ITGB6: variants seen among roughly 807,000 people sequenced by gnomAD.
The protein encoded by ITGB6 is integrin beta-6.
Under a neutral mutation model 84.5 loss-of-function variants are expected in ITGB6, and 80 were observed. The observed-to-expected ratio is 0.95, with a 90% CI of 0.79 to 1.14. The LOEUF (loss-of-function observed/expected upper bound fraction) is 1.14. Ranked by LOEUF, ITGB6 falls within the 50% of genes most tolerant of loss-of-function variation. ITGB6 has a pLI of 0.00. For missense variants in ITGB6, 1,006 were observed against 968.0 expected (o/e 1.04, Z -0.52); for synonymous variants, 383 against 354.9 (o/e 1.08, Z -0.89).
chr2:160,123,976 T>A, intron 11 of ITGB6, 88 bp from the exon 12 acceptor site: 1 of 907,906 alleles, frequency 1.1e-6, no homozygotes. Flanking sequence ...GTTGTTGCAA[T>A]TTGTGCTATA....
intron 4 of ITGB6, among the ~76,000 whole-genome samples, chr2:160,179,782 C>T (rs1685586376): frequency 6.6e-6 from 1 of 151,616 alleles, no homozygotes; most frequent in African/African-American, 2.4e-5. Flanking sequence ...AAAAACACCA[C>T]AGTATACATA....
chr2:160,180,029 C>T (rs1204611148), intron 4 of ITGB6, among the ~76,000 whole-genome samples: 3 of 149,194 alleles, frequency 2.0e-5, no homozygotes, highest in Non-Finnish European at 4.4e-5. Flanking sequence ...AGCAGAATCG[C>T]TTGAACCTGG....
At position 160,176,781 on chromosome 2, in the gene ITGB6, T is replaced by C. The variant is rs190077553; in HGVS notation, c.594-2642A>G. Reference sequence around the variant, plus strand: ...TGATTAAAATAATAAGGCAGGTTCATTGAAGAAAATTGGGGTTTTATATGA... The same window carrying C: ...TGATTAAAATAATAAGGCAGGTTCACTGAAGAAAATTGGGGTTTTATATGA... On this transcript the variant is annotated intron_variant, in intron 4 of 14. Coordinates refer to ENST00000283249, the MANE Select transcript of ITGB6 (RefSeq NM_000888.5). 6.6e-3 allele frequency among the ~76,000 whole-genome samples: 1,003 copies of C among 152,376 alleles called. 8 individuals are homozygous for C. Among genetic ancestry groups the C allele is most frequent in the Non-Finnish European group, 0.012 (812 of 68,038 alleles).
intron 7 of ITGB6, among the ~76,000 whole-genome samples, chr2:160,158,310 C>T (rs533119566): frequency 6.6e-6 from 1 of 152,114 alleles, no homozygotes; most frequent in Non-Finnish European, 1.5e-5. Context: ...TCTTGTCAGC[C>T]AAGAAGCTGG....
intron 10 of ITGB6, among the ~76,000 whole-genome samples, chr2:160,128,067 A>G (rs1683305913): frequency 6.6e-6 from 1 of 152,196 alleles, no homozygotes; most frequent in South Asian, 2.1e-4. Context: ...AGCATATACT[A>G]TGTGCCAAAG....
At chr2:160,135,605 A>T (rs1412370680) in intron 10 of ITGB6, among the ~76,000 whole-genome samples, 1 of 151,730 alleles carries the variant, frequency 6.6e-6, no homozygotes, top group African/African-American at 2.4e-5. Context: ...AGTCAATCCT[A>T]AGCCAAAAGA....
chr2:160,143,800 CAA>C (rs1684089809), intron 7 of ITGB6, among the ~76,000 whole-genome samples: 1 of 152,022 alleles, frequency 6.6e-6, no homozygotes, highest in African/African-American at 2.4e-5. Flanking sequence ...TAAATTAGGA[CAA>C]AGAGAACCAA....
intron 4 of ITGB6, among the ~76,000 whole-genome samples, chr2:160,185,005 A>C (rs1242218068): frequency 1.3e-5 from 2 of 152,236 alleles, no homozygotes; most frequent in Non-Finnish European, 2.9e-5. Flanking sequence ...TGTTCATGAC[A>C]AACCCACAGC....
intron 4 of ITGB6, among the ~76,000 whole-genome samples, chr2:160,184,033 A>C (rs757495723): frequency 6.6e-6 from 1 of 152,244 alleles, no homozygotes; most frequent in Non-Finnish European, 1.5e-5. Context: ...AGTGGGAAAG[A>C]TCTAACATCG....
intron 12 of ITGB6, among the ~76,000 whole-genome samples, chr2:160,120,098 A>C (rs969238026): frequency 6.6e-6 from 1 of 151,672 alleles, no homozygotes; most frequent in African/African-American, 2.4e-5. Context: ...CCATTGTGGA[A>C]GTCAGTGTGG....
intron 7 of ITGB6, among the ~76,000 whole-genome samples, chr2:160,159,586 C>A (rs1230886880): frequency 1.3e-5 from 2 of 152,146 alleles, no homozygotes; most frequent in Non-Finnish European, 2.9e-5. Flanking sequence ...GCCTACCTCT[C>A]CCGCTCCATC....
At position 160,172,603 on chromosome 2, in the gene ITGB6, T is replaced by C. The variant is rs188645370; in HGVS notation, c.887A>G (p.Asp296Gly). ...TGACATGGAGTATTCATTCTTGCTG[T>C]CCAAGTGACAGAGCCCGTCATTAGG... ...VIPNDGLCHL[D>G]SKNEYSMSTV... is the part of the protein sequence containing the mutation. Residue 296 changes from aspartate to glycine, a missense_variant, in exon 6 of 15, where the codon GAC (aspartate) becomes GGC (glycine). Transcript: ENST00000283249. 3.1e-6 allele frequency: 5 copies of C among 1,610,710 alleles called. No individual in the cohort carries two copies. In the Admixed American group the frequency reaches 8.3e-5, roughly 27 times the overall value.
intron 12 of ITGB6, 138 bp downstream of exon 12, chr2:160,123,653 A>T (rs1170379383): frequency 3.2e-6 from 2 of 626,702 alleles, no homozygotes; most frequent in Non-Finnish European, 5.7e-6. Context: ...TTACTCTTAA[A>T]AAATGAATGT....
chr2:160,191,836 C>T lies in ITGB6; in HGVS notation c.593+3533G>A, dbSNP rs542003276. On this transcript the variant is annotated intron_variant, in intron 4 of 14. Transcript: ENST00000283249. ...AAGTTTGCAGGATACAAAGTGAATACGCAAAATCAATTGCAATTCTACATG... is the reference window on the plus strand; with the variant it reads ...AAGTTTGCAGGATACAAAGTGAATATGCAAAATCAATTGCAATTCTACATG... 8.5e-5 allele frequency among the ~76,000 whole-genome samples: 13 copies of T among 152,146 alleles called. No homozygotes were observed. The East Asian group carries it at 1.2e-3, about 14-fold the overall frequency.
chr2:160,103,074 T>G (rs1280376059), intron 14 of ITGB6, among the ~76,000 whole-genome samples: 3 of 152,126 alleles, frequency 2.0e-5, no homozygotes, highest in African/African-American at 7.2e-5. Context: ...CATTACTGAG[T>G]ATGTATGGAA....
intron 10 of ITGB6, among the ~76,000 whole-genome samples, chr2:160,136,819 C>A (rs1370829491): frequency 2.0e-5 from 3 of 151,152 alleles, no homozygotes; most frequent in African/African-American, 7.3e-5. Context: ...CCAAACACCA[C>A]ATGTTCTCAC....
chr2:160,156,528 G>T (rs899141530), intron 7 of ITGB6, among the ~76,000 whole-genome samples: 4 of 152,098 alleles, frequency 2.6e-5, no homozygotes, highest in Non-Finnish European at 2.9e-5. Flanking sequence ...ATCTACTCAG[G>T]GTTAGTGGGC....
chr2:160,116,399 A>T (rs1295628947), intron 12 of ITGB6, among the ~76,000 whole-genome samples: 1 of 151,298 alleles, frequency 6.6e-6, no homozygotes, highest in African/African-American at 2.4e-5. Context: ...AGAATTTCAT[A>T]TCCAGCCAAA....
intron 7 of ITGB6, among the ~76,000 whole-genome samples, chr2:160,143,146 G>T (rs1335118678): frequency 6.6e-6 from 1 of 152,020 alleles, no homozygotes; most frequent in Admixed American, 6.6e-5. Flanking sequence ...AAAGTAGCTT[G>T]GTGTGGTGGC....
Sources: gnomAD v4.1 joint callset for allele counts (sites outside exome capture counted in the v4.1 genomes callset) on GRCh38, gnomAD v4.1.1 for gene constraint, MANE v1.5 for transcripts, NCBI Gene and HGNC (gene_info 2026-07-23, HGNC 2026-07-21) for gene names.